TRMT11: variants seen among roughly 807,000 people sequenced by gnomAD.
TRMT11 encodes the protein tRNA (guanine(10)-N(2))-methyltransferase TRMT11.
In TRMT11, 53 loss-of-function variants were observed where a neutral mutation model predicts 62.8. The ratio of observed to expected loss-of-function variants is 0.84; its 90% CI spans 0.68 to 1.06. The LOEUF is 1.06. TRMT11 is among the 50% of genes least tolerant of loss of function. The pLI, the probability that TRMT11 is intolerant of heterozygous loss-of-function variation, is 0.00. For synonymous variants in TRMT11, 188 were observed against 190.3 expected, an observed-to-expected ratio of 0.99 and a Z score of 0.10; for missense variants, 556 against 553.4, an observed-to-expected ratio of 1.00 and a Z score of -0.05.
chr6:126,144,423 G>T (rs1777952729), intron 21 of TRMT11, among the ~76,000 whole-genome samples: 1 of 152,134 alleles, frequency 6.6e-6, no homozygotes, highest in Admixed American at 6.6e-5. Flanking sequence ...CTCTTGTCCT[G>T]GTTGCTGCCC....
At chr6:126,114,997 T>C (rs1447650430) in intron 19 of TRMT11, among the ~76,000 whole-genome samples, 1 of 152,046 alleles carries the variant, frequency 6.6e-6, no homozygotes, top group Non-Finnish European at 1.5e-5. Flanking sequence ...AGTTTCTCTC[T>C]TAGAATTATG....
rs530726428 is a variant in TRMT11, at chr6:126,036,755, G to A, written c.1261-1950G>A. On this transcript the variant is annotated intron_variant, in intron 12 of 12. Coordinates refer to ENST00000334379, the MANE Select transcript of TRMT11 (RefSeq NM_001031712.3). Reference sequence around the variant, plus strand: ...CTTACTGACATAAGGACAGAATTTCGAATACCTGGAGGAGTAGTTGATGGA... The same window carrying A: ...CTTACTGACATAAGGACAGAATTTCAAATACCTGGAGGAGTAGTTGATGGA... Among the ~76,000 whole-genome samples, 10 of 152,206 alleles carry A rather than the reference G, an allele frequency of 6.6e-5. No individual in the cohort carries two copies. The South Asian group carries it at 1.7e-3, about 25-fold the overall frequency.
At chr6:126,216,638 A>C in the TRMT11 span, among the ~76,000 whole-genome samples, 1 of 151,938 alleles carries the variant, frequency 6.6e-6, no homozygotes, top group African/African-American at 2.4e-5. Flanking sequence ...TATGCTATTT[A>C]TTTCTTTTCT....
At chr6:126,223,143 T>C in the TRMT11 span, among the ~76,000 whole-genome samples, 2 of 152,192 alleles carry the variant, frequency 1.3e-5, no homozygotes, top group Non-Finnish European at 2.9e-5. Context: ...ATGGTGAGGC[T>C]GGGCGCAGTG....
downstream of TRMT11, among the ~76,000 whole-genome samples, chr6:126,207,698 C>T (rs2128255632): frequency 6.6e-6 from 1 of 152,272 alleles, no homozygotes; most frequent in African/African-American, 2.4e-5. Flanking sequence ...AAGTCAATTG[C>T]AAACAAGAAC....
intron 17 of TRMT11, among the ~76,000 whole-genome samples, chr6:126,107,640 T>C (rs2128184708): frequency 6.6e-6 from 1 of 152,204 alleles, no homozygotes; most frequent in Non-Finnish European, 1.5e-5. Context: ...TTAAAAAGGC[T>C]GAATAAGCAA....
the TRMT11 span, among the ~76,000 whole-genome samples, chr6:126,246,809 A>G: frequency 6.6e-6 from 1 of 152,222 alleles, no homozygotes; most frequent in African/African-American, 2.4e-5. Flanking sequence ...AATAAAACTT[A>G]AAAGTACCAA....
the TRMT11 span, chr6:126,257,942 C>T: frequency 3.9e-6 from 6 of 1,551,790 alleles, no homozygotes; most frequent in African/African-American, 1.4e-5. Context: ...GGGGTGTGCT[C>T]AGCTTCTGCA....
chr6:126,115,815 T>C (rs1007142583), exon 21 of TRMT11, among the ~76,000 whole-genome samples: 1 of 151,940 alleles, frequency 6.6e-6, no homozygotes, highest in Non-Finnish European at 1.5e-5. Context: ...CTGTTCCCAT[T>C]AGTGTCACCT....
chr6:126,231,137 T>C, the TRMT11 span, among the ~76,000 whole-genome samples: 1 of 152,208 alleles, frequency 6.6e-6, no homozygotes, highest in African/African-American at 2.4e-5. Flanking sequence ...CATTTTTTAA[T>C]CTGTTGGGTT....
chr6:126,269,027 C>T, the TRMT11 span, among the ~76,000 whole-genome samples: 1 of 151,440 alleles, frequency 6.6e-6, no homozygotes, highest in Admixed American at 6.6e-5. Flanking sequence ...TTTGGGAGGC[C>T]GAGGCGGGCG....
chr6:126,205,768 A>T (rs1025945363), downstream of TRMT11, among the ~76,000 whole-genome samples: 1 of 151,950 alleles, frequency 6.6e-6, no homozygotes, highest in Non-Finnish European at 1.5e-5. Flanking sequence ...TTGAAGGAAA[A>T]ATTGTGCCAG....
intron 21 of TRMT11, among the ~76,000 whole-genome samples, chr6:126,118,343 AG>A (rs1285545532): frequency 6.6e-6 from 1 of 152,108 alleles, no homozygotes; most frequent in African/African-American, 2.4e-5. Flanking sequence ...ATCTTCTACA[AG>A]TTCTAAAAGT....
At chr6:126,177,737 C>CT (rs1050598813) in intron 1 of TRMT11, among the ~76,000 whole-genome samples, 24 of 151,994 alleles carry the variant, frequency 1.6e-4, no homozygotes, top group East Asian at 3.9e-4. Context: ...GTGCTCTGAC[C>CT]TTTTTTTTCA....
chr6:126,099,291 C>G (rs1369449061), intron 17 of TRMT11, among the ~76,000 whole-genome samples: 1 of 152,202 alleles, frequency 6.6e-6, no homozygotes, highest in Non-Finnish European at 1.5e-5. Context: ...TTCACTTACA[C>G]ATTCTCTACT....
intron 16 of TRMT11, among the ~76,000 whole-genome samples, chr6:126,044,618 G>A (rs986309486): frequency 3.9e-5 from 6 of 152,140 alleles, no homozygotes; most frequent in Admixed American, 1.3e-4. Flanking sequence ...TATTTGTATA[G>A]TGAACAATCT....
the TRMT11 span, among the ~76,000 whole-genome samples, chr6:126,242,791 G>T: frequency 6.6e-6 from 1 of 152,230 alleles, no homozygotes; most frequent in East Asian, 1.9e-4. Flanking sequence ...ATTCAAGATG[G>T]ACTAAAGACT....
intron 11 of TRMT11, among the ~76,000 whole-genome samples, chr6:126,017,133 G>C (rs1256253807): frequency 1.3e-5 from 2 of 151,958 alleles, no homozygotes; most frequent in African/African-American, 4.8e-5. Context: ...TATTGGACCG[G>C]GAATAAAAAG....
chr6:126,028,140 TG>T (rs1773533576), intron 12 of TRMT11, among the ~76,000 whole-genome samples: 2 of 152,322 alleles, frequency 1.3e-5, no homozygotes, highest in South Asian at 2.1e-4. Context: ...CTCTTCTGAT[TG>T]ACTTTTCTTT....
Sources: allele counts gnomAD v4.1 joint callset (sites outside exome capture counted in the v4.1 genomes callset), GRCh38; gene constraint gnomAD v4.1.1; transcripts MANE v1.5; gene names NCBI Gene and HGNC (gene_info 2026-07-23, HGNC 2026-07-21).